PLAG1: variants seen among roughly 807,000 people sequenced by gnomAD.
The protein encoded by PLAG1 is zinc finger protein PLAG1.
PLAG1 carries 7 observed loss-of-function variants against 35.5 expected under a neutral mutation model. The observed-to-expected ratio is 0.20, with a 90% CI of 0.11 to 0.37. The LOEUF (loss-of-function observed/expected upper bound fraction) is 0.37, where lower values mean the gene tolerates loss of function less well. Among genes scored for constraint, PLAG1 ranks in the 10% least tolerant of loss-of-function variants. The probability of loss-of-function intolerance (pLI) is 1.00; values close to 1 mark genes in which losing one functional copy is unlikely to be tolerated. For missense variants in PLAG1, 454 were observed against 602.8 expected (o/e 0.75, Z 2.58); for synonymous variants, 229 against 225.4 (o/e 1.02, Z -0.14).
chr8:56,168,648 A>G (rs1000988335), intron 3 of PLAG1, among the ~76,000 whole-genome samples: 5 of 152,224 alleles, frequency 3.3e-5, no homozygotes, highest in African/African-American at 4.8e-5. Flanking sequence ...GCATAGCAGT[A>G]GTGATTTCAG....
At chr8:56,193,784 G>A (rs933812308) in intron 1 of PLAG1, among the ~76,000 whole-genome samples, 1 of 144,696 alleles carries the variant, frequency 6.9e-6, no homozygotes, top group African/African-American at 2.6e-5. Context: ...TGCAAGCTCC[G>A]CCTCCCGGGT....
In PLAG1 at chr8:56,166,086, TTAAAAGCTAGTTTC is replaced by T; in HGVS notation, c.*143_*156del. On this transcript the variant is annotated 3_prime_UTR_variant, in exon 5 of 5. Coordinates refer to ENST00000316981, the MANE Select transcript of PLAG1 (RefSeq NM_002655.3). ...AACACAAATGGTTCCAAAGCTCAGT[TTAAAAGCTAGTTTC>T]TATTTTATACTGGCTTAATGAAAAT... is the stretch of plus-strand genomic sequence containing the variant. 2.1e-6 allele frequency: 1 copy of T among 477,354 alleles called. No homozygotes were observed. The highest frequency in any genetic ancestry group is 5.8e-5 in the South Asian group (1 of 17,190). 29.6% of individuals were successfully genotyped at this position (477,354 alleles called of 1,614,324 possible).
intron 1 of PLAG1, among the ~76,000 whole-genome samples, chr8:56,200,644 T>G (rs1315155730): frequency 1.3e-5 from 2 of 152,204 alleles, no homozygotes; most frequent in African/African-American, 4.8e-5. Flanking sequence ...TAGCGGCTCC[T>G]GAACTGTACC....
At chr8:56,201,673 T>A (rs1812556828) in intron 1 of PLAG1, among the ~76,000 whole-genome samples, 1 of 152,174 alleles carries the variant, frequency 6.6e-6, no homozygotes, top group African/African-American at 2.4e-5. Context: ...TCTAAAGATT[T>A]ACTTACAAAA....
At chr8:56,173,748 T>C (rs1333939246) in intron 2 of PLAG1, among the ~76,000 whole-genome samples, 1 of 152,138 alleles carries the variant, frequency 6.6e-6, no homozygotes, top group Admixed American at 6.5e-5. Context: ...CTTCTAGTTT[T>C]TGTTGGTACC....
Position 56,167,529 on chromosome 8 carries a change from G to C in PLAG1, c.243-26C>G. ...CTTTAAACACAGATATAATCTATAA[G>C]TAGTTATTATGACAAAAATGGCATG... On this transcript the variant is annotated intron_variant, in intron 4 of 4. Transcript: ENST00000316981. The surrounding 1 kb of genome is among the most constrained non-coding windows in gnomAD (Gnocchi z 5.9). The C allele has an allele frequency of 6.7e-7, 1 of 1,484,332 alleles. No individual in the cohort carries two copies. The highest frequency in any genetic ancestry group is 9.2e-7 in the Non-Finnish European group (1 of 1,085,230). 91.9% of individuals were successfully genotyped at this position (1,484,332 alleles called of 1,614,324 possible). A position where few individuals can be genotyped will look rare whatever the true frequency, so the allele number is the denominator to read the frequency against.
rs547171134 is a variant in PLAG1 at position 56,181,721 on chromosome 8, T to C, written c.-321-2208A>G. Among the ~76,000 whole-genome samples the C allele has an allele frequency of 1.4e-4, 21 of 152,230 alleles. 1 individual carries two copies. In the South Asian group the frequency reaches 3.7e-3, roughly 27 times the overall value. On this transcript the variant is annotated intron_variant, in intron 1 of 4. Transcript: ENST00000316981. ...TGTATCCCAGAACTTAAAGTATGTA[T>C]ATAAAAAAAGAATATATACCTTTTG...
rs749391822 is a variant in PLAG1, at chr8:56,168,083, T to C, written c.187A>G (p.Lys63Glu). Residue 63 changes from lysine to glutamate, a missense_variant, in exon 4 of 5, where the codon AAG (lysine) becomes GAG (glutamate). Physicochemically the swap from Lys to Glu is moderately conservative, Grantham distance 56 (BLOSUM62 1). Around this residue, in one of 4 missense-constraint regions of PLAG1, gnomAD observed 170 missense variants for 226.3 expected, o/e 0.75. Coordinates refer to ENST00000316981, the MANE Select transcript of PLAG1 (RefSeq NM_002655.3). ...TTGGTGCAGTCTTGTTGTATGCACTTGTAGGGCCTCTCTCCTGTGTGAGAG... is the reference window on the plus strand; with the variant it reads ...TTGGTGCAGTCTTGTTGTATGCACTCGTAGGGCCTCTCTCCTGTGTGAGAG... ...SYSHTGERPYKCIQQDCTKAF... is the reference protein window; with the variant it reads ...SYSHTGERPYECIQQDCTKAF... 1 of 1,613,128 alleles carries C rather than the reference T, an allele frequency of 6.2e-7. No homozygotes were observed. The highest frequency in any genetic ancestry group is 8.5e-7 in the Non-Finnish European group (1 of 1,179,114).
In PLAG1 at chr8:56,163,016, A is replaced by G. The variant is rs1811251160; in HGVS notation, c.*3227T>C. The G allele has an allele frequency of 4.8e-6, 1 of 207,902 alleles. No homozygotes were observed. The highest frequency in any genetic ancestry group is 2.3e-5 in the African/African-American group (1 of 43,930). The allele number at this position is 207,902 out of a possible 1,614,324, so 12.9% of individuals were successfully genotyped here. A position where few individuals can be genotyped will look rare whatever the true frequency, so the allele number is the denominator to read the frequency against. On this transcript the variant is annotated 3_prime_UTR_variant, in exon 5 of 5. Coordinates refer to ENST00000316981, the MANE Select transcript of PLAG1 (RefSeq NM_002655.3). The stretch of plus-strand genomic sequence containing the variant: ...AATAGGATTTTAAAATGAAAGTTTT[A>G]ACAGTGATCGATAACTATAAAGGTA...
chr8:56,203,757 T>C (rs1259961615), intron 1 of PLAG1, among the ~76,000 whole-genome samples: 2 of 152,016 alleles, frequency 1.3e-5, no homozygotes, highest in Non-Finnish European at 2.9e-5. Context: ...TCTATTTCTA[T>C]TCTAATGCTA....
intron 1 of PLAG1, among the ~76,000 whole-genome samples, chr8:56,200,416 C>T (rs1016867451): frequency 6.6e-5 from 10 of 152,236 alleles, no homozygotes; most frequent in Non-Finnish European, 1.2e-4. Context: ...GAGACCTCTG[C>T]GTGCAGCGGG....
chr8:56,179,160 A>G (rs913327656), intron 2 of PLAG1, among the ~76,000 whole-genome samples: 10 of 152,214 alleles, frequency 6.6e-5, no homozygotes, highest in Admixed American at 3.3e-4. Flanking sequence ...AAGTTTTTAC[A>G]GCAGCTATGT....
intron 2 of PLAG1, among the ~76,000 whole-genome samples, chr8:56,176,682 A>G (rs1811705659): frequency 6.6e-6 from 1 of 151,980 alleles, no homozygotes. Context: ...TTTTTCTATA[A>G]AACAGTCCCA....
chr8:56,184,862 G>A (rs144319081), intron 1 of PLAG1, among the ~76,000 whole-genome samples: 5 of 152,270 alleles, frequency 3.3e-5, no homozygotes, highest in Non-Finnish European at 7.4e-5. Flanking sequence ...AACCTGGGAT[G>A]CTTGAACCTG....
In PLAG1 at chr8:56,194,369, T is replaced by C. The variant is rs1047804461; in HGVS notation, c.-321-14856A>G. Reference sequence around the variant, plus strand: ...GAAATATTGCAGTTAGGCTATCAAGTAACTATTCAGCATATGATGACTAGT... The same window carrying C: ...GAAATATTGCAGTTAGGCTATCAAGCAACTATTCAGCATATGATGACTAGT... On this transcript the variant is annotated intron_variant, in intron 1 of 4. Coordinates refer to ENST00000316981, the MANE Select transcript of PLAG1 (RefSeq NM_002655.3). Among the ~76,000 whole-genome samples, 11 of 150,996 alleles carry C rather than the reference T, an allele frequency of 7.3e-5. 1 individual carries two copies. Among genetic ancestry groups the C allele is most frequent in the South Asian group, 4.2e-4 (2 of 4,746 alleles).
intron 1 of PLAG1, among the ~76,000 whole-genome samples, chr8:56,205,734 C>T (rs1424204197): frequency 6.6e-6 from 1 of 151,870 alleles, no homozygotes. Flanking sequence ...TTTTTGCTTC[C>T]TAACACCTTC....
chr8:56,190,640 C>T (rs568098760), intron 1 of PLAG1, among the ~76,000 whole-genome samples: 2 of 152,066 alleles, frequency 1.3e-5, no homozygotes, highest in South Asian at 4.2e-4. Flanking sequence ...AGTGAGCTGT[C>T]ACTGTTTTAT....
At chr8:56,188,100 G>A (rs1247564914) in intron 1 of PLAG1, among the ~76,000 whole-genome samples, 1 of 152,076 alleles carries the variant, frequency 6.6e-6, no homozygotes, top group Non-Finnish European at 1.5e-5. Flanking sequence ...AAATCTACTC[G>A]ACTGAAGCAC....
Position 56,161,416 on chromosome 8 carries a change from G to T in PLAG1, c.*4827C>A. 4.5e-6 allele frequency: 1 copy of T among 220,600 alleles called. No individual in the cohort carries two copies. The highest frequency in any genetic ancestry group is 6.7e-5 in the East Asian group (1 of 15,020). 13.7% of individuals were successfully genotyped at this position (220,600 alleles called of 1,614,324 possible). On this transcript the variant is annotated 3_prime_UTR_variant, in exon 5 of 5. Coordinates refer to ENST00000316981, the MANE Select transcript of PLAG1 (RefSeq NM_002655.3). ...CTAAAAATACAATTTCAGCAGTCCA[G>T]CTTATGTTCAGGTATGATGCAATCC...
Sources: gnomAD v4.1 joint callset for allele counts (sites outside exome capture counted in the v4.1 genomes callset) on GRCh38, gnomAD v4.1.1 for gene constraint, gnomAD v4.1.1 regional missense constraint, Gnocchi (gnomAD v3.1) non-coding constraint, MANE v1.5 for transcripts, NCBI Gene and HGNC (gene_info 2026-07-23, HGNC 2026-07-21) for gene names.